Variants in TNR observed in about 807,000 individuals in gnomAD.
TNR encodes tenascin R.
A neutral mutation model predicts 150.4 loss-of-function variants in TNR; 45 were observed. The observed-to-expected ratio is 0.30, with a 90% CI of 0.24 to 0.38. The LOEUF (loss-of-function observed/expected upper bound fraction) is 0.38, where lower values mean the gene tolerates loss of function less well. TNR is among the 10% of genes least tolerant of loss of function. The pLI is 1.00. For missense variants in TNR, 1,544 were observed against 1,759.1 expected (o/e 0.88, Z 2.19); for synonymous variants, 687 against 678.4 (o/e 1.01, Z -0.20).
intron 18 of TNR, among the ~76,000 whole-genome samples, chr1:175,346,257 T>C (rs1161843526): frequency 6.6e-6 from 1 of 152,200 alleles, no homozygotes; most frequent in Non-Finnish European, 1.5e-5. Context: ...ATTTATATTG[T>C]CTTAAATAAA....
intron 1 of TNR, among the ~76,000 whole-genome samples, chr1:175,623,870 CA>C (rs1664059902): frequency 6.6e-6 from 1 of 152,256 alleles, no homozygotes; most frequent in Admixed American, 6.5e-5. Flanking sequence ...ACACTGGTTA[CA>C]GGTGAAGCCA....
At chr1:175,337,927 T>C (rs528874439) in intron 18 of TNR, among the ~76,000 whole-genome samples, 1 of 152,352 alleles carries the variant, frequency 6.6e-6, no homozygotes, top group South Asian at 2.1e-4. Context: ...TCTGTGTTCA[T>C]GGTCTAGCTC....
intron 2 of TNR, among the ~76,000 whole-genome samples, chr1:175,496,345 A>G (rs1337459392): frequency 1.3e-5 from 2 of 152,248 alleles, no homozygotes; most frequent in South Asian, 2.1e-4. Flanking sequence ...GATGTGCTAC[A>G]TATGTCTCTC....
intron 2 of TNR, among the ~76,000 whole-genome samples, chr1:175,432,906 A>T (rs1366593921): frequency 1.3e-5 from 2 of 152,218 alleles, no homozygotes; most frequent in Non-Finnish European, 2.9e-5. Flanking sequence ...AATCAAGGGA[A>T]GGTCAATGAG....
chr1:175,650,806 TA>T (rs1664945695), intron 1 of TNR, among the ~76,000 whole-genome samples: 4 of 4,450 alleles, frequency 9.0e-4, no homozygotes, highest in South Asian at 9.6e-3. Context: ...ATCTCATTAC[TA>T]CCTGTCCCCC....
At chr1:175,377,708 C>G (rs1375022314) in intron 9 of TNR, among the ~76,000 whole-genome samples, 1 of 152,112 alleles carries the variant, frequency 6.6e-6, no homozygotes, top group Non-Finnish European at 1.5e-5. Context: ...GGGAGGAAAA[C>G]TGCTTTGATT....
intron 1 of TNR, among the ~76,000 whole-genome samples, chr1:175,662,852 G>A (rs1346775674): frequency 6.6e-6 from 1 of 152,170 alleles, no homozygotes; most frequent in African/African-American, 2.4e-5. Context: ...TGGAGGTCAT[G>A]TCTACAGAGT....
At chr1:175,504,039 G>C (rs77319323) in intron 2 of TNR, among the ~76,000 whole-genome samples, 1 of 152,208 alleles carries the variant, frequency 6.6e-6, no homozygotes, top group East Asian at 1.9e-4. Context: ...CGGGGTGTAC[G>C]AAGAAGGCTG....
At chr1:175,588,902 A>G (rs1263160254) in intron 1 of TNR, among the ~76,000 whole-genome samples, 1 of 152,178 alleles carries the variant, frequency 6.6e-6, no homozygotes, top group Admixed American at 6.5e-5. Flanking sequence ...TGGGAACAAG[A>G]GTAGACCCAG....
At chr1:175,485,581 C>T (rs1177634954) in intron 2 of TNR, among the ~76,000 whole-genome samples, 8 of 152,058 alleles carry the variant, frequency 5.3e-5, no homozygotes, top group Non-Finnish European at 1.0e-4. Context: ...AATTTAAAGG[C>T]AGATGAATTT....
At chr1:175,507,462 A>T (rs1046254018) in intron 2 of TNR, among the ~76,000 whole-genome samples, 1 of 152,052 alleles carries the variant, frequency 6.6e-6, no homozygotes, top group Non-Finnish European at 1.5e-5. Flanking sequence ...TGATATCATC[A>T]CCTGACGGAG....
At chr1:175,657,579 A>G (rs1224012447) in intron 1 of TNR, among the ~76,000 whole-genome samples, 1 of 151,968 alleles carries the variant, frequency 6.6e-6, no homozygotes, top group African/African-American at 2.4e-5. Flanking sequence ...ACCATGGAAT[A>G]CTATGCAGCC....
chr1:175,443,488 A>G (rs1454541752), intron 2 of TNR, among the ~76,000 whole-genome samples: 1 of 152,122 alleles, frequency 6.6e-6, no homozygotes, highest in Non-Finnish European at 1.5e-5. Context: ...TTTACTCATC[A>G]TCTTCTGTGT....
chr1:175,333,516 C>A (rs544742432), intron 20 of TNR: 1 of 152,194 alleles, frequency 6.6e-6, no homozygotes, highest in African/African-American at 2.4e-5. Context: ...ATTTACCTTA[C>A]ATTTTTATTG....
chr1:175,577,116 CG>C (rs1179744731), intron 1 of TNR, among the ~76,000 whole-genome samples: 2 of 152,046 alleles, frequency 1.3e-5, no homozygotes, highest in South Asian at 2.1e-4. Context: ...GTTCATGCAG[CG>C]GGGTAAGCAT....
At chr1:175,566,992 C>G (rs1289937573) in intron 1 of TNR, among the ~76,000 whole-genome samples, 1 of 152,134 alleles carries the variant, frequency 6.6e-6, no homozygotes, top group African/African-American at 2.4e-5. Flanking sequence ...GCTTTATATT[C>G]TTTTCCACAA....
At chr1:175,546,920 A>C (rs1455752947) in intron 1 of TNR, among the ~76,000 whole-genome samples, 1 of 152,202 alleles carries the variant, frequency 6.6e-6, no homozygotes, top group Non-Finnish European at 1.5e-5. Context: ...ATTTTTTCCC[A>C]GATAAGGAAC....
At chr1:175,467,810 C>A (rs1019396713) in intron 2 of TNR, among the ~76,000 whole-genome samples, 10 of 152,158 alleles carry the variant, frequency 6.6e-5, no homozygotes, top group African/African-American at 2.4e-4. Context: ...GCTTAAATAG[C>A]ATTTATTGAA....
chr1:175,685,890 A>C (rs930398367), intron 1 of TNR, among the ~76,000 whole-genome samples: 5 of 150,928 alleles, frequency 3.3e-5, no homozygotes, highest in Non-Finnish European at 7.4e-5. Flanking sequence ...TGTGGTTCTC[A>C]TGTGTTGCTC....
Sources: gnomAD v4.1 joint callset for allele counts (sites outside exome capture counted in the v4.1 genomes callset) on GRCh38, gnomAD v4.1.1 for gene constraint, MANE v1.5 for transcripts, NCBI Gene and HGNC (gene_info 2026-07-23, HGNC 2026-07-21) for gene names.